Variants in RBFOX1 observed in about 807,000 individuals in gnomAD.
The protein encoded by RBFOX1 is RNA binding protein fox-1 homolog 1.
In RBFOX1, 8 loss-of-function variants were observed where a neutral mutation model predicts 57.7. That is an observed-to-expected ratio of 0.14 (90% CI 0.08 to 0.25). RBFOX1 has a LOEUF of 0.25. RBFOX1 is among the 10% of genes least tolerant of loss of function. The pLI is 1.00. For synonymous variants in RBFOX1, 326 were observed against 222.4 expected (o/e 1.47, Z -4.15); for missense variants, 611 against 548.5 (o/e 1.11, Z -1.14).
intron 3 of RBFOX1, among the ~76,000 whole-genome samples, chr16:5,606,212 GCT>G (rs895307471): frequency 6.6e-6 from 1 of 152,050 alleles, no homozygotes; most frequent in African/African-American, 2.4e-5. Context: ...CTATCTGGTG[GCT>G]TCTCCAACCT....
chr16:6,912,159 A>G (rs2071791524), intron 3 of RBFOX1, among the ~76,000 whole-genome samples: 1 of 152,236 alleles, frequency 6.6e-6, no homozygotes, highest in African/African-American at 2.4e-5. Context: ...TTCATGCCAT[A>G]AAGAATGAGG....
intron 4 of RBFOX1, among the ~76,000 whole-genome samples, chr16:7,106,151 T>C (rs2063549173): frequency 6.6e-6 from 1 of 152,198 alleles, no homozygotes; most frequent in African/African-American, 2.4e-5. Flanking sequence ...TCATGACCTG[T>C]GAAGACACAG....
chr16:5,727,963 A>C (rs2052216282), intron 3 of RBFOX1, among the ~76,000 whole-genome samples: 3 of 152,236 alleles, frequency 2.0e-5, no homozygotes, highest in East Asian at 1.9e-4. Context: ...CTGGGATTAC[A>C]GGAGACAGCT....
At position 7,549,519 on chromosome 16, in the gene RBFOX1, G is replaced by A. The variant is rs116940630; in HGVS notation, c.271-30258G>A. Among the ~76,000 whole-genome samples, 534 of 152,288 alleles carry A rather than the reference G, an allele frequency of 3.5e-3. 5 individuals are homozygous for A. Among genetic ancestry groups the A allele is most frequent in the South Asian group, 0.014 (67 of 4,828 alleles). ...CTCACGTGATTACAATAGGTCGTCT[G>A]CAAGCTGAAGAGCAAGGAAGCCAGT... On this transcript the variant is annotated intron_variant, in intron 5 of 15. Transcript: ENST00000550418.
chr16:5,983,093 T>C (rs965826644), intron 4 of RBFOX1, among the ~76,000 whole-genome samples: 2 of 152,288 alleles, frequency 1.3e-5, no homozygotes, highest in African/African-American at 4.8e-5. Flanking sequence ...GCGACTTCAC[T>C]TCTCACCTGC....
At chr16:6,009,816 C>CTG (rs148472437) in intron 4 of RBFOX1, among the ~76,000 whole-genome samples, 51 of 148,530 alleles carry the variant, frequency 3.4e-4, no homozygotes, top group South Asian at 1.3e-3. Flanking sequence ...GTGTGTGTGT[C>CTG]TGTGTGTGTG....
chr16:5,853,996 A>G (rs2056962459), intron 3 of RBFOX1, among the ~76,000 whole-genome samples: 1 of 152,190 alleles, frequency 6.6e-6, no homozygotes, highest in South Asian at 2.1e-4. Context: ...ACTATATTTG[A>G]TCATATAATA....
chr16:6,131,847 C>G (rs2096631892), intron 1 of RBFOX1, among the ~76,000 whole-genome samples: 1 of 152,112 alleles, frequency 6.6e-6, no homozygotes, highest in Admixed American at 6.5e-5. Flanking sequence ...TCCTGCCACT[C>G]TCTGGCTCTC....
chr16:7,209,886 G>T (rs911332179), intron 4 of RBFOX1, among the ~76,000 whole-genome samples: 1 of 152,170 alleles, frequency 6.6e-6, no homozygotes, highest in African/African-American at 2.4e-5. Flanking sequence ...TCTTGAAAAT[G>T]CCTGACCCCT....
At chr16:7,330,063 A>G (rs1381369676) in intron 4 of RBFOX1, among the ~76,000 whole-genome samples, 1 of 152,256 alleles carries the variant, frequency 6.6e-6, no homozygotes, top group East Asian at 1.9e-4. Context: ...ATTATAATAT[A>G]ATCTGATGTG....
intron 5 of RBFOX1, among the ~76,000 whole-genome samples, chr16:7,572,466 G>T (rs1250025332): frequency 6.6e-6 from 1 of 152,142 alleles, no homozygotes; most frequent in Non-Finnish European, 1.5e-5. Flanking sequence ...CCAACTCACG[G>T]GTAGGCGACT....
At chr16:6,585,037 G>A (rs566854517) in intron 2 of RBFOX1, among the ~76,000 whole-genome samples, 200 of 152,228 alleles carry the variant, frequency 1.3e-3, no homozygotes, top group Non-Finnish European at 2.4e-3. Context: ...CCTGGTCAAG[G>A]CTTTGTAGGC....
intron 13 of RBFOX1, among the ~76,000 whole-genome samples, chr16:7,671,264 G>A (rs1217016127): frequency 6.6e-6 from 1 of 152,200 alleles, no homozygotes; most frequent in East Asian, 1.9e-4. Context: ...TGCTTTAAGA[G>A]GCAAGAAGCC....
At chr16:7,413,063 A>G (rs1332231064) in intron 4 of RBFOX1, among the ~76,000 whole-genome samples, 2 of 151,926 alleles carry the variant, frequency 1.3e-5, no homozygotes, top group Non-Finnish European at 1.5e-5. Context: ...AAAATAAATA[A>G]AAATAAAAAT....
At chr16:7,710,130 T>C in intron 15 of RBFOX1, 1 of 1,020,086 alleles carries the variant, frequency 9.8e-7, no homozygotes, top group Non-Finnish European at 1.2e-6. Context: ...TCTGTACAAC[T>C]CCACAACTCC....
At chr16:6,093,371 C>G (rs148327708) in intron 1 of RBFOX1, among the ~76,000 whole-genome samples, 14 of 152,132 alleles carry the variant, frequency 9.2e-5, no homozygotes, top group East Asian at 7.8e-4. Flanking sequence ...ACCAAGAATT[C>G]AAGGTCAGCC....
intron 3 of RBFOX1, among the ~76,000 whole-genome samples, chr16:6,735,056 G>T (rs2069763484): frequency 6.6e-6 from 1 of 151,982 alleles, no homozygotes; most frequent in Non-Finnish European, 1.5e-5. Flanking sequence ...GAGGTGGAGG[G>T]ATCACTTGAG....
chr16:7,592,115 G>A (rs549103209), intron 7 of RBFOX1, among the ~76,000 whole-genome samples: 44 of 152,236 alleles, frequency 2.9e-4, no homozygotes, highest in South Asian at 2.1e-4. Flanking sequence ...TTTGAGGACC[G>A]TCTGGAGCAC....
At chr16:5,839,238 C>T (rs748588254) in intron 3 of RBFOX1, among the ~76,000 whole-genome samples, 9 of 152,184 alleles carry the variant, frequency 5.9e-5, no homozygotes, top group Non-Finnish European at 1.2e-4. Context: ...TTTCCCCATC[C>T]TCTGTTCAAT....
Sources: allele counts gnomAD v4.1 joint callset (sites outside exome capture counted in the v4.1 genomes callset), GRCh38; gene constraint gnomAD v4.1.1; transcripts MANE v1.5; gene names NCBI Gene and HGNC (gene_info 2026-07-23, HGNC 2026-07-21).